The following CDKL5 variants were observed in gnomAD, a reference collection of about 807,000 sequenced individuals.
CDKL5 encodes cyclin-dependent kinase-like 5.
In CDKL5, 8 loss-of-function variants were observed where a neutral mutation model predicts 61.7. The observed-to-expected ratio is 0.13, with a 90% CI of 0.08 to 0.23. CDKL5 has a LOEUF of 0.23. CDKL5 is among the 10% of genes least tolerant of loss of function. The pLI is 1.00. For missense variants in CDKL5, 440 were observed against 734.5 expected (o/e 0.60, Z 4.63); for synonymous variants, 275 against 272.3 (o/e 1.01, Z -0.10).
chrX:18,628,772 G>A lies in CDKL5; in HGVS notation c.*15G>A. ...CAGCCTTGTAATTTGTGCTGGTAGG[G>A]GGGAGGGGTGGACAGACAAGCCAGT... On this transcript the variant is annotated 3_prime_UTR_variant, in exon 18 of 18. Coordinates refer to ENST00000623535, the MANE Select transcript of CDKL5 (RefSeq NM_001323289.2). The A allele has an allele frequency of 9.0e-7, 1 of 1,107,067 alleles. No individual in the cohort carries two copies. Among genetic ancestry groups the A allele is most frequent in the Non-Finnish European group, 1.2e-6 (1 of 847,567 alleles). The allele number at this position is 1,107,067 out of a possible 1,213,427, so 91.2% of individuals were successfully genotyped here.
At chrX:18,427,124 A>T (rs1258136861) in intron 1 of CDKL5, among the ~76,000 whole-genome samples, 2 of 111,132 alleles carry the variant, frequency 1.8e-5, no homozygotes, top group Non-Finnish European at 3.8e-5. Flanking sequence ...AGAATATGAT[A>T]GGTTGAGTAC....
At chrX:18,577,046 G>A (rs772724603) in intron 5 of CDKL5, among the ~76,000 whole-genome samples, 8 of 110,587 alleles carry the variant, frequency 7.2e-5, no homozygotes, top group African/African-American at 2.0e-4. Context: ...ACAGGTGCGC[G>A]CCACCATGCC....
chrX:18,523,414 A>G (rs1263598767), intron 3 of CDKL5, among the ~76,000 whole-genome samples: 1 of 111,904 alleles, frequency 8.9e-6, no homozygotes, highest in Non-Finnish European at 1.9e-5. Flanking sequence ...TTCACTTAGC[A>G]TGATGTTTTT....
intron 17 of CDKL5, among the ~76,000 whole-genome samples, chrX:18,628,143 C>T (rs992624607): frequency 5.4e-5 from 6 of 111,802 alleles, no homozygotes; most frequent in East Asian, 2.8e-4. Flanking sequence ...GATTGGCTGC[C>T]GTACCAGCTC....
rs969545213 is a variant in CDKL5 at position 18,501,972 on chromosome X, T to C, written c.-162-4963T>C. On this transcript the variant is annotated intron_variant, in intron 1 of 17. Coordinates refer to ENST00000623535, the MANE Select transcript of CDKL5 (RefSeq NM_001323289.2). ...CCATTATTGGCAGAGAGTAGAATAT[T>C]TAAATATTTCCTGAGTGTTCTTTCA... Among the ~76,000 whole-genome samples, 5 of 112,452 alleles carry C rather than the reference T, an allele frequency of 4.4e-5. No homozygotes were observed. The Admixed American group carries it at 4.7e-4, about 11-fold the overall frequency.
At chrX:18,492,136 G>A (rs1922015056) in intron 1 of CDKL5, among the ~76,000 whole-genome samples, 1 of 111,307 alleles carries the variant, frequency 9.0e-6, no homozygotes, top group Non-Finnish European at 1.9e-5. Context: ...ATTCTCTCAT[G>A]CTCTCATCAG....
chrX:18,460,717 C>A (rs1034141484), intron 1 of CDKL5, among the ~76,000 whole-genome samples: 1 of 110,973 alleles, frequency 9.0e-6, no homozygotes, highest in Non-Finnish European at 1.9e-5. Context: ...CCCAGGCTAG[C>A]CTTGAACTCC....
rs140677762 is a variant in CDKL5, at chrX:18,467,153, G to A, written c.-162-39782G>A. On this transcript the variant is annotated intron_variant, in intron 1 of 17. Coordinates refer to ENST00000623535, the MANE Select transcript of CDKL5 (RefSeq NM_001323289.2). ...AAGCATACCCCGAGAATGACCCTGAGGTCTAAGAACAACTTGTGTTCATAG... is the reference window on the plus strand; with the variant it reads ...AAGCATACCCCGAGAATGACCCTGAAGTCTAAGAACAACTTGTGTTCATAG... Among the ~76,000 whole-genome samples, 738 of 110,418 alleles carry A rather than the reference G, an allele frequency of 6.7e-3. 8 individuals carry two copies. Among genetic ancestry groups the A allele is most frequent in the African/African-American group, 0.023 (687 of 30,424 alleles).
intron 14 of CDKL5, among the ~76,000 whole-genome samples, 178 bp downstream of exon 14, chrX:18,609,748 T>C (rs1449078626): frequency 8.9e-6 from 1 of 111,924 alleles, no homozygotes; most frequent in African/African-American, 3.3e-5. Context: ...TTGGCCTCCT[T>C]AGGTAGCCTC....
intron 2 of CDKL5, among the ~76,000 whole-genome samples, chrX:18,510,275 C>T (rs931820383): frequency 5.4e-5 from 6 of 111,731 alleles, no homozygotes; most frequent in African/African-American, 2.0e-4. Flanking sequence ...CTGCCTCAGC[C>T]TCCTGAGTAG....
Position 18,639,372 on chromosome X carries a change from C to T in CDKL5, c.*10615C>T, listed in dbSNP as rs983323168. 5.3e-5 allele frequency among the ~76,000 whole-genome samples: 6 copies of T among 112,202 alleles called. No homozygotes were observed. Among genetic ancestry groups the T allele is most frequent in the African/African-American group, 1.9e-4 (6 of 30,879 alleles). ...GGCAGAGGATCTGAAAAACCTTTAT[C>T]CAAAGATGTACAAATGGCCAGTAAA... On this transcript the variant is annotated 3_prime_UTR_variant, in exon 18 of 18. Transcript: ENST00000623535.
intron 1 of CDKL5, chrX:18,426,134 C>G (rs1437075183): frequency 8.9e-6 from 1 of 112,429 alleles, no homozygotes; most frequent in Non-Finnish European, 1.9e-5. Context: ...GCCCCCTGCC[C>G]GAGTTCGGAG....
intron 3 of CDKL5, among the ~76,000 whole-genome samples, chrX:18,560,382 A>C (rs1263997609): frequency 1.8e-5 from 2 of 112,357 alleles, no homozygotes; most frequent in Non-Finnish European, 3.8e-5. Context: ...TCCCAAAAGA[A>C]AGCCAGGAAG....
chrX:18,433,236 A>G (rs1287380356), intron 1 of CDKL5, among the ~76,000 whole-genome samples: 1 of 107,420 alleles, frequency 9.3e-6, no homozygotes, highest in Admixed American at 1.0e-4. Flanking sequence ...CTCAAAAAAA[A>G]AAAAGAAAAG....
chrX:18,481,837 G>A (rs1244889851), intron 1 of CDKL5, among the ~76,000 whole-genome samples: 1 of 110,853 alleles, frequency 9.0e-6, no homozygotes, highest in African/African-American at 3.3e-5. Flanking sequence ...CTATAAATGA[G>A]GCTAGGTGGA....
intron 3 of CDKL5, among the ~76,000 whole-genome samples, chrX:18,512,784 T>C (rs1335947135): frequency 9.0e-6 from 1 of 111,534 alleles, no homozygotes; most frequent in Non-Finnish European, 1.9e-5. Context: ...ATGCTATACT[T>C]TTAATGACTT....
chrX:18,583,341 C>G (rs1925541986), intron 7 of CDKL5, among the ~76,000 whole-genome samples: 1 of 111,223 alleles, frequency 9.0e-6, no homozygotes, highest in Non-Finnish European at 1.9e-5. Flanking sequence ...CTTCCCCTCC[C>G]AGAGTACGCA....
At chrX:18,617,396 C>T (rs1261562812) in intron 15 of CDKL5, among the ~76,000 whole-genome samples, 1 of 112,073 alleles carries the variant, frequency 8.9e-6, no homozygotes, top group Non-Finnish European at 1.9e-5. Flanking sequence ...TCCTCTTTAC[C>T]CCACTCAGCA....
At chrX:18,518,995 A>G (rs780894780) in intron 3 of CDKL5, among the ~76,000 whole-genome samples, 2 of 110,919 alleles carry the variant, frequency 1.8e-5, no homozygotes, top group Admixed American at 1.9e-4. Context: ...CCTCTGTTTT[A>G]CCTCTGTGTG....
Sources: gnomAD v4.1 joint callset for allele counts (sites outside exome capture counted in the v4.1 genomes callset) on GRCh38, gnomAD v4.1.1 for gene constraint, MANE v1.5 for transcripts, NCBI Gene and HGNC (gene_info 2026-07-23, HGNC 2026-07-21) for gene names.